Variants in C19orf47 observed in about 807,000 individuals in gnomAD.
The protein encoded by C19orf47 is chromosome 19 open reading frame 47, also known as uncharacterized protein C19orf47.
C19orf47 carries 18 observed loss-of-function variants against 32.3 expected under a neutral mutation model. The ratio of observed to expected loss-of-function variants is 0.56; its 90% CI spans 0.39 to 0.83. The LOEUF (loss-of-function observed/expected upper bound fraction) is 0.83. Ranked by LOEUF, C19orf47 falls within the 40% of genes least tolerant of loss-of-function variation. The pLI, the probability that C19orf47 is intolerant of heterozygous loss-of-function variation, is 0.00. For missense variants in C19orf47, 484 were observed against 531.6 expected, an observed-to-expected ratio of 0.91 and a Z score of 0.88; for synonymous variants, 202 against 211.1, an observed-to-expected ratio of 0.96 and a Z score of 0.37.
chr19:40,307,240 C>T, the C19orf47 span, among the ~76,000 whole-genome samples: 4 of 151,954 alleles, frequency 2.6e-5, no homozygotes, highest in South Asian at 2.1e-4. Flanking sequence ...GGATTACAGG[C>T]GCATGCCACC....
intron 6 of C19orf47, among the ~76,000 whole-genome samples, chr19:40,327,072 G>A (rs2077847349): frequency 7.0e-6 from 1 of 143,754 alleles, no homozygotes; most frequent in Non-Finnish European, 1.5e-5. Flanking sequence ...GGAGTGCAAT[G>A]GCACGATCTC....
chr19:40,332,137 C>T (rs1294061090), intron 5 of C19orf47, among the ~76,000 whole-genome samples: 1 of 150,568 alleles, frequency 6.6e-6, no homozygotes, highest in Non-Finnish European at 1.5e-5. Flanking sequence ...GCAGGTGGAT[C>T]GTTTGAAGTC....
At position 40,324,144 on chromosome 19, in the gene C19orf47, A is replaced by G. The variant is rs891915786; in HGVS notation, c.593-68T>C. On this transcript the variant is annotated intron_variant, in intron 7 of 8. Transcript: ENST00000683109. ...CAGGCCTAGGCTGAGCTCTGTACAG[A>G]CACCAAGGCAGCCCAGACACCAGTA... The G allele has an allele frequency of 4.7e-6, 7 of 1,492,598 alleles. No homozygotes were observed. In the African/African-American group the frequency reaches 9.7e-5, roughly 21 times the overall value. 92.5% of individuals were successfully genotyped at this position (1,492,598 alleles called of 1,614,324 possible). A position where few individuals can be genotyped will look rare whatever the true frequency, so the allele number is the denominator to read the frequency against.
chr19:40,308,207 G>A, the C19orf47 span, among the ~76,000 whole-genome samples: 2 of 151,784 alleles, frequency 1.3e-5, no homozygotes, highest in Non-Finnish European at 2.9e-5. Flanking sequence ...CCAGGCTGGA[G>A]TGCAGTGACA....
intron 5 of C19orf47, chr19:40,332,646 CA>C (rs765868447): frequency 1.8e-3 from 226 of 127,268 alleles, no homozygotes; most frequent in African/African-American, 2.2e-3. Context: ...GACTCCATCT[CA>C]AAAAAAAAAA....
At chr19:40,307,643 GTACT>G in the C19orf47 span, among the ~76,000 whole-genome samples, 2 of 152,158 alleles carry the variant, frequency 1.3e-5, no homozygotes, top group African/African-American at 4.8e-5. Flanking sequence ...GTCTCCCACA[GTACT>G]GGGATTACAG....
chr19:40,302,642 A>G, the C19orf47 span, among the ~76,000 whole-genome samples: 1 of 152,166 alleles, frequency 6.6e-6, no homozygotes, highest in Non-Finnish European at 1.5e-5. Context: ...GTGACTGTAC[A>G]AAGAAAAATC....
chr19:40,305,342 CA>C, the C19orf47 span, among the ~76,000 whole-genome samples: 1,571 of 119,328 alleles, frequency 0.013, 11 homozygotes, highest in Middle Eastern at 0.039. Context: ...GACTCTGTCT[CA>C]AAAAAAAAAA....
chr19:40,329,899 C>A lies in C19orf47; in HGVS notation c.302-1349G>T, dbSNP rs183402434. Among the ~76,000 whole-genome samples the A allele has an allele frequency of 1.3e-4, 20 of 152,346 alleles. No homozygotes were observed. In the East Asian group the frequency reaches 3.1e-3, roughly 23 times the overall value. On this transcript the variant is annotated intron_variant, in intron 5 of 8. Coordinates refer to ENST00000683109, the MANE Select transcript of C19orf47 (RefSeq NM_001256441.2). The stretch of plus-strand genomic sequence containing the variant: ...AAGGCAAGCTGTTAAGAGGGCCCTA[C>A]CTGTCCTGCTGTACCCAGAGGGAAA...
At chr19:40,306,930 C>G in the C19orf47 span, among the ~76,000 whole-genome samples, 1 of 151,496 alleles carries the variant, frequency 6.6e-6, no homozygotes. Context: ...GCTGGGACTA[C>G]AGGCGCCCGC....
the C19orf47 span, among the ~76,000 whole-genome samples, chr19:40,297,200 AC>A: frequency 6.6e-6 from 1 of 152,124 alleles, no homozygotes; most frequent in Non-Finnish European, 1.5e-5. Context: ...AAACCCAAAA[AC>A]CTTATACATG....
chr19:40,347,550 G>A (rs1308065959), intron 1 of C19orf47, among the ~76,000 whole-genome samples: 1 of 151,900 alleles, frequency 6.6e-6, no homozygotes, highest in East Asian at 1.9e-4. Flanking sequence ...AAAAAAAGAA[G>A]AAGACAGCAA....
the C19orf47 span, among the ~76,000 whole-genome samples, chr19:40,300,715 C>A: frequency 6.6e-6 from 1 of 152,128 alleles, no homozygotes; most frequent in African/African-American, 2.4e-5. Context: ...TTGCAATCAG[C>A]TATTGCCCCA....
At chr19:40,293,459 TTTTG>T in the C19orf47 span, among the ~76,000 whole-genome samples, 7 of 147,104 alleles carry the variant, frequency 4.8e-5, no homozygotes, top group East Asian at 8.3e-4. Flanking sequence ...TTTTGCTACT[TTTTG>T]TTTGTTTTTG....
At chr19:40,319,163 G>A (rs569092602), downstream of C19orf47, among the ~76,000 whole-genome samples, 1 of 151,970 alleles carries the variant, frequency 6.6e-6, no homozygotes, top group South Asian at 2.1e-4. Context: ...CCAGCTACCA[G>A]GGAGGCTGAG....
At chr19:40,314,461 A>G in the C19orf47 span, among the ~76,000 whole-genome samples, 6 of 152,274 alleles carry the variant, frequency 3.9e-5, no homozygotes, top group East Asian at 9.6e-4. Flanking sequence ...AACAAGTCAA[A>G]GGGACTCTGG....
intron 1 of C19orf47, chr19:40,342,352 A>G (rs758908018): frequency 1.3e-4 from 21 of 166,850 alleles, no homozygotes; most frequent in Non-Finnish European, 2.3e-4. Context: ...GTAGTGAATT[A>G]TCTCAATTGA....
downstream of C19orf47, among the ~76,000 whole-genome samples, chr19:40,317,717 GT>G (rs747223536): frequency 3.4e-5 from 5 of 145,894 alleles, no homozygotes; most frequent in South Asian, 2.2e-4. Flanking sequence ...CAAATCCACT[GT>G]TTTTTTTTTG....
chr19:40,305,512 C>T, the C19orf47 span, among the ~76,000 whole-genome samples: 1 of 152,096 alleles, frequency 6.6e-6, no homozygotes, highest in Non-Finnish European at 1.5e-5. Context: ...CACAAGATGG[C>T]GCCACATGAG....
Sources: gnomAD v4.1 joint callset for allele counts (sites outside exome capture counted in the v4.1 genomes callset) on GRCh38, gnomAD v4.1.1 for gene constraint, MANE v1.5 for transcripts, NCBI Gene and HGNC (gene_info 2026-07-23, HGNC 2026-07-21) for gene names.